DENND1A: variants seen among roughly 807,000 people sequenced by gnomAD.
DENND1A encodes the protein DENN domain containing 1A.
In DENND1A, 51 loss-of-function variants were observed where a neutral mutation model predicts 113.7. The ratio of observed to expected loss-of-function variants is 0.45; its 90% confidence interval spans 0.36 to 0.57. The LOEUF (loss-of-function observed/expected upper bound fraction) is 0.57, where lower values mean the gene tolerates loss of function less well. DENND1A is among the 20% of genes least tolerant of loss of function. DENND1A has a pLI of 0.00. For synonymous variants in DENND1A, 565 were observed against 570.8 expected (o/e 0.99, Z 0.14); for missense variants, 1,258 against 1,395.9 (o/e 0.90, Z 1.57).
At chr9:123,652,685 T>C (rs1392324654) in intron 8 of DENND1A, among the ~76,000 whole-genome samples, 2 of 152,180 alleles carry the variant, frequency 1.3e-5, no homozygotes, top group African/African-American at 4.8e-5. Flanking sequence ...TATCCCCTCC[T>C]TCACAGTTTA....
chr9:123,862,161 T>G (rs1425737917), intron 2 of DENND1A, among the ~76,000 whole-genome samples: 1 of 152,228 alleles, frequency 6.6e-6, no homozygotes, highest in Non-Finnish European at 1.5e-5. Flanking sequence ...CAACAAGAGT[T>G]CTTCATCTGA....
chr9:123,843,215 A>T lies in DENND1A; in HGVS notation c.88+35736T>A. ...CTGCTGTCAATCTAGTATTATATTTAGTAGTGAAACCAAATGCATCCCCTA... is the reference window on the plus strand; with the variant it reads ...CTGCTGTCAATCTAGTATTATATTTTGTAGTGAAACCAAATGCATCCCCTA... On this transcript the variant is annotated intron_variant, in intron 2 of 23. Coordinates refer to ENST00000394215, the MANE Select transcript of DENND1A (RefSeq NM_001352964.2). The T allele has an allele frequency of 9.3e-6, 5 of 534,982 alleles. 1 individual carries two copies. Among genetic ancestry groups the T allele is most frequent in the South Asian group, 7.3e-5 (5 of 68,802 alleles). The allele number at this position is 534,982 out of a possible 1,614,324, so 33.1% of individuals were successfully genotyped here.
intron 21 of DENND1A, among the ~76,000 whole-genome samples, chr9:123,396,371 G>A (rs906191382): frequency 1.3e-5 from 2 of 152,244 alleles, no homozygotes; most frequent in Admixed American, 6.5e-5. Flanking sequence ...ATGGGCCCAC[G>A]CCCCCAGGGC....
At chr9:123,483,767 G>C (rs972057820) in intron 13 of DENND1A, among the ~76,000 whole-genome samples, 1 of 152,150 alleles carries the variant, frequency 6.6e-6, no homozygotes, top group African/African-American at 2.4e-5. Context: ...AGGTCAGTTC[G>C]TTTGTAAGAT....
intron 5 of DENND1A, among the ~76,000 whole-genome samples, chr9:123,710,823 C>T (rs1450458421): frequency 6.6e-6 from 1 of 151,962 alleles, no homozygotes; most frequent in Non-Finnish European, 1.5e-5. Context: ...CAGGTGTGTG[C>T]CACCATGCCA....
intron 3 of DENND1A, among the ~76,000 whole-genome samples, chr9:123,786,461 A>G (rs1590079412): frequency 6.6e-6 from 1 of 152,154 alleles, no homozygotes; most frequent in Non-Finnish European, 1.5e-5. Context: ...AAAACATCCT[A>G]GACATGCATT....
intron 8 of DENND1A, among the ~76,000 whole-genome samples, chr9:123,665,013 G>A (rs1243182777): frequency 2.6e-5 from 4 of 152,008 alleles, no homozygotes; most frequent in Admixed American, 1.3e-4. Flanking sequence ...TTTATATTAT[G>A]TAAATTCCCA....
intron 2 of DENND1A, among the ~76,000 whole-genome samples, chr9:123,814,889 T>C (rs1346722911): frequency 6.6e-6 from 1 of 152,212 alleles, no homozygotes; most frequent in Non-Finnish European, 1.5e-5. Context: ...GCATCAATAT[T>C]AATAAAATGT....
intron 2 of DENND1A, among the ~76,000 whole-genome samples, chr9:123,827,178 T>C (rs1182259429): frequency 6.6e-6 from 1 of 152,094 alleles, no homozygotes; most frequent in Admixed American, 6.5e-5. Flanking sequence ...TTTTCTGCAG[T>C]CTATATTACA....
At chr9:123,593,372 T>TA (rs2059546101) in intron 11 of DENND1A, among the ~76,000 whole-genome samples, 1 of 152,186 alleles carries the variant, frequency 6.6e-6, no homozygotes, top group Admixed American at 6.5e-5. Flanking sequence ...CTAAAGCCAG[T>TA]AAGCATCATC....
At chr9:123,821,596 T>C (rs1838480694) in intron 2 of DENND1A, among the ~76,000 whole-genome samples, 1 of 152,230 alleles carries the variant, frequency 6.6e-6, no homozygotes, top group African/African-American at 2.4e-5. Flanking sequence ...ACAGATTAAC[T>C]ATAAGAAAGG....
At chr9:123,432,087 T>C (rs2046174995) in intron 19 of DENND1A, among the ~76,000 whole-genome samples, 1 of 152,160 alleles carries the variant, frequency 6.6e-6, no homozygotes, top group African/African-American at 2.4e-5. Flanking sequence ...TCTCTGGCCT[T>C]CTCCAGCTCT....
chr9:123,863,004 T>A (rs2133311782), intron 2 of DENND1A, among the ~76,000 whole-genome samples: 1 of 152,304 alleles, frequency 6.6e-6, no homozygotes, highest in African/African-American at 2.4e-5. Flanking sequence ...TGGAGGTGCT[T>A]ATATTTTATC....
chr9:123,596,327 C>T (rs749579707), intron 11 of DENND1A, among the ~76,000 whole-genome samples: 92 of 152,316 alleles, frequency 6.0e-4, no homozygotes, highest in Non-Finnish European at 9.8e-4. Flanking sequence ...TTAAACCTTA[C>T]GCTATTCACA....
chr9:123,381,192 A>C lies in DENND1A; in HGVS notation c.*240T>G. 2.7e-5 allele frequency: 15 copies of C among 557,100 alleles called. No individual in the cohort carries two copies. The highest frequency in any genetic ancestry group is 6.2e-5 in the East Asian group (2 of 32,106). The allele number at this position is 557,100 out of a possible 1,614,324, so 34.5% of individuals were successfully genotyped here. On this transcript the variant is annotated 3_prime_UTR_variant, in exon 24 of 24. Transcript: ENST00000394215. This position sits in a 1 kb window ranked among gnomAD's most constrained non-coding sequence, Gnocchi z 4.7. ...CAATCAAGGGTGCCGAGGAGAGGCA[A>C]CCGCGGGGTGGGATGGGCACTCAGG...
At chr9:123,437,404 G>A (rs543193059) in intron 19 of DENND1A, among the ~76,000 whole-genome samples, 1 of 152,302 alleles carries the variant, frequency 6.6e-6, no homozygotes, top group Admixed American at 6.5e-5. Context: ...GGTCTCCATG[G>A]AGCTGCCCTG....
intron 21 of DENND1A, among the ~76,000 whole-genome samples, chr9:123,392,082 C>T (rs1460334235): frequency 2.6e-5 from 4 of 152,210 alleles, no homozygotes; most frequent in Admixed American, 1.3e-4. Flanking sequence ...CGCCGGTTAG[C>T]GCGCGCGTGT....
At chr9:123,451,680 G>C (rs968512227) in intron 17 of DENND1A, among the ~76,000 whole-genome samples, 30 of 152,216 alleles carry the variant, frequency 2.0e-4, no homozygotes, top group African/African-American at 7.0e-4. Flanking sequence ...CCGGGTCTCA[G>C]AAACAGAGGC....
At chr9:123,878,802 G>T in intron 2 of DENND1A, 149 bp downstream of exon 2, 1 of 678,826 alleles carries the variant, frequency 1.5e-6, no homozygotes, top group Non-Finnish European at 2.5e-6. Context: ...ATTCTTCCTA[G>T]GATAATGTGA....
Sources: gnomAD v4.1 joint callset for allele counts (sites outside exome capture counted in the v4.1 genomes callset) on GRCh38, gnomAD v4.1.1 for gene constraint, Gnocchi (gnomAD v3.1) non-coding constraint, MANE v1.5 for transcripts, NCBI Gene and HGNC (gene_info 2026-07-23, HGNC 2026-07-21) for gene names.